Variants in HTR2A observed in about 807,000 individuals in gnomAD.
HTR2A encodes the protein 5-hydroxytryptamine receptor 2A.
HTR2A carries 14 observed loss-of-function variants against 31.0 expected under a neutral mutation model. The ratio of observed to expected loss-of-function variants is 0.45; its 90% CI spans 0.30 to 0.71. The LOEUF is 0.71. Ranked by LOEUF, HTR2A falls within the 30% of genes least tolerant of loss-of-function variation. The probability of loss-of-function intolerance (pLI) is 0.09; values close to 1 mark genes in which losing one functional copy is unlikely to be tolerated. For synonymous variants in HTR2A, 209 were observed against 225.2 expected, an observed-to-expected ratio of 0.93 and a Z score of 0.64; for missense variants, 442 against 573.3, an observed-to-expected ratio of 0.77 and a Z score of 2.34.
intron 3 of HTR2A, among the ~76,000 whole-genome samples, chr13:46,879,134 G>C (rs1950939901): frequency 6.6e-6 from 1 of 152,188 alleles, no homozygotes; most frequent in South Asian, 2.1e-4. Context: ...GAAATCTGAG[G>C]GAGCTTTGCT....
intron 3 of HTR2A, among the ~76,000 whole-genome samples, chr13:46,854,423 A>G (rs767621480): frequency 5.3e-5 from 8 of 152,234 alleles, no homozygotes; most frequent in South Asian, 4.1e-4. Context: ...AGGATTATCT[A>G]TTAGACTTTG....
chr13:46,895,427 T>C lies in HTR2A; in HGVS notation c.412+68A>G. 1 of 1,456,954 alleles carries C rather than the reference T, an allele frequency of 6.9e-7. No homozygotes were observed. Among genetic ancestry groups the C allele is most frequent in the Non-Finnish European group, 9.4e-7 (1 of 1,066,986 alleles). 90.3% of individuals were successfully genotyped at this position (1,456,954 alleles called of 1,614,324 possible). ...TGTTTGCCCCCTGAGCCCCATCTCA[T>C]CTGCTGGTGGCATGCACATGCTCTT... On this transcript the variant is annotated intron_variant, in intron 2 of 3. Transcript: ENST00000542664. The surrounding 1 kb of genome is among the most constrained non-coding windows in gnomAD (Gnocchi z 4.4).
rs1190174967 is a variant in HTR2A at position 46,896,092 on chromosome 13, G to C, written c.-186C>G. 1.5e-6 allele frequency: 2 copies of C among 1,327,876 alleles called. No homozygotes were observed. The highest frequency in any genetic ancestry group is 2.8e-4 in the Middle Eastern group (1 of 3,604). The allele number at this position is 1,327,876 out of a possible 1,614,324, so 82.3% of individuals were successfully genotyped here. A position where few individuals can be genotyped will look rare whatever the true frequency, so the allele number is the denominator to read the frequency against. ...GTTAAAGAACTGAACTGTGGTGGCT[G>C]TAAGTTTTCTTCATTCACAATTTTA... On this transcript the variant is annotated 5_prime_UTR_variant, in exon 2 of 4. It introduces an in-frame stop codon into an upstream open reading frame of the 5' UTR. Transcript: ENST00000542664.
chr13:46,879,748 G>A (rs1032151708), intron 3 of HTR2A, among the ~76,000 whole-genome samples: 1 of 152,226 alleles, frequency 6.6e-6, no homozygotes, highest in African/African-American at 2.4e-5. Context: ...GCTCATGCCT[G>A]TTATCCCAAC....
chr13:46,875,703 C>T (rs61948330), intron 3 of HTR2A, among the ~76,000 whole-genome samples: 1 of 152,060 alleles, frequency 6.6e-6, no homozygotes, highest in Non-Finnish European at 1.5e-5. Flanking sequence ...TGAAAATGTT[C>T]ACCTACAGAA....
At chr13:46,844,439 T>C (rs1307429453) in intron 3 of HTR2A, among the ~76,000 whole-genome samples, 1 of 152,200 alleles carries the variant, frequency 6.6e-6, no homozygotes, top group Non-Finnish European at 1.5e-5. Flanking sequence ...GACATTTGTA[T>C]GATACAAAAT....
rs116143640 is a variant in HTR2A, at chr13:46,841,492, A to G, written c.614-5853T>C. On this transcript the variant is annotated intron_variant, in intron 3 of 3. Transcript: ENST00000542664. ...AGCTGCACATTAGAATCACTGAGGG[A>G]GTTTTAAAAGTTACATTGCCTGAGC... Among the ~76,000 whole-genome samples, 421 of 151,992 alleles carry G rather than the reference A, an allele frequency of 2.8e-3. 3 individuals carry two copies. The highest frequency in any genetic ancestry group is 9.7e-3 in the African/African-American group (402 of 41,472).
intron 3 of HTR2A, among the ~76,000 whole-genome samples, chr13:46,871,703 G>GTT (rs77442704): frequency 0.2 from 30,139 of 152,000 alleles, 3,473 homozygotes; most frequent in South Asian, 0.35. Flanking sequence ...CCAGTAAGAG[G>GTT]TTTCAGTATC....
chr13:46,892,353 C>T, intron 3 of HTR2A, 37 bp downstream of exon 3: 1 of 1,574,514 alleles, frequency 6.4e-7, no homozygotes, highest in Non-Finnish European at 8.7e-7. Context: ...CACGAACTGT[C>T]ATTTCAAATG....
chr13:46,870,744 T>G (rs959375465), intron 3 of HTR2A, among the ~76,000 whole-genome samples: 1 of 152,196 alleles, frequency 6.6e-6, no homozygotes, highest in Admixed American at 6.5e-5. Context: ...TATGTCTAAA[T>G]TGGGCTATGA....
rs535554765 is a variant in HTR2A at position 46,833,319 on chromosome 13, T to C, written c.*1518A>G. On this transcript the variant is annotated 3_prime_UTR_variant, in exon 4 of 4. Transcript: ENST00000542664. ...ATGATTCTAAAAATAAGTCTGTATA[T>C]ATTTTTTGACTAAGACCATTTCAGT... 3.9e-5 allele frequency: 6 copies of C among 152,296 alleles called. No homozygotes were observed. Among genetic ancestry groups the C allele is most frequent in the South Asian group, 2.1e-4 (1 of 4,824 alleles). 9.4% of individuals were successfully genotyped at this position (152,296 alleles called of 1,614,324 possible). A position where few individuals can be genotyped will look rare whatever the true frequency, so the allele number is the denominator to read the frequency against.
chr13:46,852,395 C>A (rs936481027), intron 3 of HTR2A, among the ~76,000 whole-genome samples: 19 of 152,218 alleles, frequency 1.2e-4, no homozygotes, highest in Non-Finnish European at 2.1e-4. Context: ...CAAAGGGGGG[C>A]TCTCTCGGCT....
chr13:46,883,212 G>A (rs898056267), intron 3 of HTR2A, among the ~76,000 whole-genome samples: 1 of 151,602 alleles, frequency 6.6e-6, no homozygotes, highest in Non-Finnish European at 1.5e-5. Flanking sequence ...CATCTGCACT[G>A]TCTAGGAAGG....
At chr13:46,837,599 C>T (rs1341214332) in intron 3 of HTR2A, among the ~76,000 whole-genome samples, 1 of 152,112 alleles carries the variant, frequency 6.6e-6, no homozygotes, top group Non-Finnish European at 1.5e-5. Flanking sequence ...CCAAGAACAC[C>T]GGTTTATTCC....
chr13:46,897,283 G>T (rs539194398), upstream of HTR2A, among the ~76,000 whole-genome samples: 1 of 152,256 alleles, frequency 6.6e-6, no homozygotes, highest in South Asian at 2.1e-4. Context: ...AGGCTGAAGG[G>T]TGAAGAGAGA....
At chr13:46,864,565 C>T (rs1281086519) in intron 3 of HTR2A, among the ~76,000 whole-genome samples, 7 of 152,176 alleles carry the variant, frequency 4.6e-5, no homozygotes, top group African/African-American at 1.2e-4. Context: ...CTTGCGGCTT[C>T]GGTAAGAAGG....
At chr13:46,888,616 C>T (rs1566319877) in intron 3 of HTR2A, among the ~76,000 whole-genome samples, 1 of 151,778 alleles carries the variant, frequency 6.6e-6, no homozygotes, top group Non-Finnish European at 1.5e-5. Context: ...AATGAGGAAC[C>T]CAGGCAAAAT....
Position 46,835,430 on chromosome 13 carries a change from G to A in HTR2A, c.823C>T (p.Arg275Trp), listed in dbSNP as rs762338994. 44 of 1,613,898 alleles carry A rather than the reference G, an allele frequency of 2.7e-5. No homozygotes were observed. The highest frequency in any genetic ancestry group is 3.3e-4 in the Middle Eastern group (2 of 6,084). ...AAGCTGAAAGAAGCTAATTTGGCCC[G>A]TGTGCCAAGATCACTTACACACAAA... ...ATLCVSDLGTRAKLASFSFLP... is the reference protein window; with the variant it reads ...ATLCVSDLGTWAKLASFSFLP... Residue 275 changes from arginine to tryptophan, a missense_variant, in exon 4 of 4, where the codon CGG (arginine) becomes TGG (tryptophan). Around this residue, in one of 5 missense-constraint regions of HTR2A, gnomAD observed 174 missense variants for 195.1 expected, o/e 0.89. Coordinates refer to ENST00000542664, the MANE Select transcript of HTR2A (RefSeq NM_000621.5).
intron 3 of HTR2A, among the ~76,000 whole-genome samples, chr13:46,876,401 TATA>T (rs757428364): frequency 0.21 from 17,559 of 83,592 alleles, 2,081 homozygotes; most frequent in East Asian, 0.31. Context: ...TATATATATA[TATA>T]TTTTTTTTTT....
Sources: gnomAD v4.1 joint callset for allele counts (sites outside exome capture counted in the v4.1 genomes callset) on GRCh38, gnomAD v4.1.1 for gene constraint, gnomAD v4.1.1 regional missense constraint, Gnocchi (gnomAD v3.1) non-coding constraint, MANE v1.5 for transcripts, NCBI Gene and HGNC (gene_info 2026-07-23, HGNC 2026-07-21) for gene names.